The following ERC1 variants were observed in gnomAD, a reference collection of about 807,000 sequenced individuals.
The protein encoded by ERC1 is ELKS/RAB6-interacting/CAST family member 1.
A neutral mutation model predicts 132.0 loss-of-function variants in ERC1; 56 were observed. That is an observed-to-expected ratio of 0.42 (90% CI 0.34 to 0.53). The LOEUF (loss-of-function observed/expected upper bound fraction) is 0.53. Among genes scored for constraint, ERC1 ranks in the 20% least tolerant of loss-of-function variants. ERC1 has a pLI of 0.03. For synonymous variants in ERC1, 478 were observed against 476.1 expected, an observed-to-expected ratio of 1.00 and a Z score of -0.05; for missense variants, 1,202 against 1,349.9, an observed-to-expected ratio of 0.89 and a Z score of 1.72.
chr12:1,108,076 T>C (rs1202729166), intron 4 of ERC1, among the ~76,000 whole-genome samples: 1 of 152,036 alleles, frequency 6.6e-6, no homozygotes, highest in East Asian at 1.9e-4. Flanking sequence ...TTGGTACCCG[T>C]TGGGTTGGTG....
chr12:1,482,727 G>T (rs944947519), intron 18 of ERC1, among the ~76,000 whole-genome samples: 2 of 152,064 alleles, frequency 1.3e-5, no homozygotes, highest in African/African-American at 4.8e-5. Context: ...GATTACAGGC[G>T]TGAGCCACTG....
intron 13 of ERC1, among the ~76,000 whole-genome samples, chr12:1,240,995 T>C (rs74323081): frequency 0.014 from 2,093 of 152,274 alleles, 52 homozygotes; most frequent in African/African-American, 0.048. Context: ...ATTTCTTAAT[T>C]TTCAATTTTC....
At chr12:1,218,151 A>G (rs73025626) in intron 12 of ERC1, among the ~76,000 whole-genome samples, 3,080 of 152,312 alleles carry the variant, frequency 0.02, 60 homozygotes, top group South Asian at 0.058. Flanking sequence ...GAAAATTAAA[A>G]TAATTGGATG....
intron 2 of ERC1, among the ~76,000 whole-genome samples, chr12:1,042,193 G>A (rs531398107): frequency 1.9e-4 from 29 of 151,070 alleles, no homozygotes; most frequent in Admixed American, 1.6e-3. Flanking sequence ...ACCTACCACC[G>A]CGCCCAGCTA....
At position 1,282,539 on chromosome 12, in the gene ERC1, G is replaced by A. The variant is rs373161347; in HGVS notation, c.2620-7313G>A. On this transcript the variant is annotated intron_variant, in intron 14 of 18. Coordinates refer to ENST00000360905, the MANE Select transcript of ERC1 (RefSeq NM_178040.4). ...ATTACCATGAGTTGGCAAAAAGAAC[G>A]TATTGGAAAAAAGAGATTTCTAGTG... Among the ~76,000 whole-genome samples, 198 of 152,254 alleles carry A rather than the reference G, an allele frequency of 1.3e-3. 2 individuals carry two copies. The highest frequency in any genetic ancestry group is 6.8e-3 in the South Asian group (33 of 4,822).
chr12:1,007,753 A>T (rs958983394), intron 1 of ERC1, among the ~76,000 whole-genome samples: 4 of 151,972 alleles, frequency 2.6e-5, no homozygotes, highest in African/African-American at 9.7e-5. Flanking sequence ...AAATGCAGTT[A>T]TTCAGTTGCA....
At position 1,321,361 on chromosome 12, in the gene ERC1, G is replaced by A. The variant is rs77799769; in HGVS notation, c.2780+31349G>A. Among the ~76,000 whole-genome samples, 564 of 150,430 alleles carry A rather than the reference G, an allele frequency of 3.7e-3. 6 individuals carry two copies. Among genetic ancestry groups the A allele is most frequent in the Middle Eastern group, 0.021 (6 of 282 alleles). On this transcript the variant is annotated intron_variant, in intron 15 of 18. Transcript: ENST00000360905. ...GTGTGTGTATATTTTGCTCTATATT[G>A]TGCCATATGTGGCACAGATATTTCT... is the stretch of plus-strand genomic sequence containing the variant.
chr12:1,319,224 A>G (rs763728689), intron 15 of ERC1, among the ~76,000 whole-genome samples: 8 of 152,182 alleles, frequency 5.3e-5, no homozygotes, highest in African/African-American at 9.7e-5. Context: ...CAGTGATACT[A>G]TCCAGTTCTG....
chr12:1,200,659 C>T (rs1357268416), intron 12 of ERC1, among the ~76,000 whole-genome samples: 2 of 151,988 alleles, frequency 1.3e-5, no homozygotes, highest in African/African-American at 2.4e-5. Context: ...CCCGGGTTCA[C>T]ACCATTCTCC....
intron 1 of ERC1, among the ~76,000 whole-genome samples, chr12:1,022,022 C>T (rs1966462494): frequency 6.6e-6 from 1 of 152,190 alleles, no homozygotes; most frequent in Non-Finnish European, 1.5e-5. Flanking sequence ...TAGTGTGATA[C>T]ACTGTGAAAA....
intron 18 of ERC1, among the ~76,000 whole-genome samples, chr12:1,480,555 G>A (rs1474467303): frequency 1.3e-5 from 2 of 152,110 alleles, no homozygotes; most frequent in African/African-American, 4.8e-5. Context: ...GTTTGGATTT[G>A]TAGTCTTAAC....
At chr12:1,393,622 G>T (rs555468959) in intron 16 of ERC1, among the ~76,000 whole-genome samples, 5 of 142,786 alleles carry the variant, frequency 3.5e-5, no homozygotes, top group Non-Finnish European at 7.4e-5. Flanking sequence ...GTGTGTGTGT[G>T]TGTGTGTGTG....
intron 3 of ERC1, among the ~76,000 whole-genome samples, chr12:1,094,254 A>G (rs1943711229): frequency 6.6e-6 from 1 of 151,616 alleles, no homozygotes; most frequent in South Asian, 2.1e-4. Flanking sequence ...CTTGACCTCA[A>G]GTGATCCTCC....
At chr12:1,059,540 A>G (rs548398391) in intron 2 of ERC1, among the ~76,000 whole-genome samples, 1 of 152,332 alleles carries the variant, frequency 6.6e-6, no homozygotes, top group African/African-American at 2.4e-5. Flanking sequence ...AGTTTTTATC[A>G]GGAAGGTATG....
intron 13 of ERC1, among the ~76,000 whole-genome samples, chr12:1,257,421 A>G (rs1276772843): frequency 6.6e-6 from 1 of 152,232 alleles, no homozygotes; most frequent in Non-Finnish European, 1.5e-5. Context: ...TTAATACAAC[A>G]ATGAACAATG....
At chr12:1,091,270 T>C (rs984683416) in intron 3 of ERC1, among the ~76,000 whole-genome samples, 2 of 152,208 alleles carry the variant, frequency 1.3e-5, no homozygotes, top group Non-Finnish European at 2.9e-5. Context: ...ATCAGCACTG[T>C]TCAGAAAGAC....
intron 16 of ERC1, among the ~76,000 whole-genome samples, chr12:1,402,767 TAGTG>T (rs1271093533): frequency 1.3e-5 from 2 of 152,188 alleles, no homozygotes; most frequent in African/African-American, 4.8e-5. Context: ...GTGAAATACA[TAGTG>T]AGACAGATTG....
chr12:1,172,732 ATG>A (rs1186387196), intron 8 of ERC1, among the ~76,000 whole-genome samples: 2 of 151,614 alleles, frequency 1.3e-5, no homozygotes, highest in Non-Finnish European at 2.9e-5. Flanking sequence ...GGATTATAAA[ATG>A]TATCCTTTTC....
rs541931762 is a variant in ERC1 at position 1,248,636 on chromosome 12, T to C, written c.2487+11732T>C. 3.8e-4 allele frequency among the ~76,000 whole-genome samples: 58 copies of C among 152,350 alleles called. 1 individual carries two copies. The Middle Eastern group carries it at 0.01, about 27-fold the overall frequency. ...AGATTTTACAAGTAGTGAAACAGTC[T>C]ACGTGAAAAGTTGACAGGATCTGAT... On this transcript the variant is annotated intron_variant, in intron 13 of 18. Coordinates refer to ENST00000360905, the MANE Select transcript of ERC1 (RefSeq NM_178040.4).
Sources: gnomAD v4.1 joint callset for allele counts (sites outside exome capture counted in the v4.1 genomes callset) on GRCh38, gnomAD v4.1.1 for gene constraint, MANE v1.5 for transcripts, NCBI Gene and HGNC (gene_info 2026-07-23, HGNC 2026-07-21) for gene names.